ENOPH1: variants seen among roughly 807,000 people sequenced by gnomAD.
The protein encoded by ENOPH1 is enolase-phosphatase E1.
A neutral mutation model predicts 31.1 loss-of-function variants in ENOPH1; 14 were observed. The observed-to-expected ratio is 0.45, with a 90% confidence interval of 0.30 to 0.70. The LOEUF is 0.70. Ranked by LOEUF, ENOPH1 falls within the 30% of genes least tolerant of loss-of-function variation. ENOPH1 has a pLI of 0.09. For missense variants in ENOPH1, 243 were observed against 321.5 expected (o/e 0.76, Z 1.87); for synonymous variants, 127 against 123.2 (o/e 1.03, Z -0.21).
chr4:82,454,217 A>G (rs767767826), intron 3 of ENOPH1, among the ~76,000 whole-genome samples: 2 of 152,168 alleles, frequency 1.3e-5, no homozygotes, highest in Non-Finnish European at 2.9e-5. Flanking sequence ...CTGTCTCAAA[A>G]AAAAGTAATT....
Position 82,448,066 on chromosome 4 carries a change from G to A in ENOPH1, c.186+45G>A, listed in dbSNP as rs774682140. 3 of 1,358,912 alleles carry A rather than the reference G, an allele frequency of 2.2e-6. No homozygotes were observed. In the African/African-American group the frequency reaches 4.3e-5, roughly 20 times the overall value. 84.2% of individuals were successfully genotyped at this position (1,358,912 alleles called of 1,614,324 possible). On this transcript the variant is annotated intron_variant, in intron 2 of 5. Coordinates refer to ENST00000273920, the MANE Select transcript of ENOPH1 (RefSeq NM_021204.5). ...AAATTCCCAAGTGTCTTAGAAATGA[G>A]GGTACCTGGAGATTTAGGACATGCT...
intron 1 of ENOPH1, among the ~76,000 whole-genome samples, chr4:82,434,543 G>A (rs536816190): frequency 2.0e-4 from 30 of 152,078 alleles, no homozygotes; most frequent in Non-Finnish European, 4.0e-4. Flanking sequence ...GTGAAACCCC[G>A]TCTCTACTAA....
At chr4:82,436,015 A>T (rs1024542469) in intron 1 of ENOPH1, among the ~76,000 whole-genome samples, 2 of 152,242 alleles carry the variant, frequency 1.3e-5, no homozygotes, top group African/African-American at 2.4e-5. Context: ...TGGAGGAAAT[A>T]GAAAGTGCTT....
At chr4:82,442,272 A>G (rs1279314665) in intron 1 of ENOPH1, among the ~76,000 whole-genome samples, 1 of 152,158 alleles carries the variant, frequency 6.6e-6, no homozygotes, top group African/African-American at 2.4e-5. Flanking sequence ...TAATCCCAGC[A>G]CTTTGGGAGG....
chr4:82,436,146 A>G (rs866315051), intron 1 of ENOPH1, among the ~76,000 whole-genome samples: 1 of 152,334 alleles, frequency 6.6e-6, no homozygotes, highest in Middle Eastern at 3.4e-3. Context: ...CTACCCAGAA[A>G]TATGTTAAAA....
At chr4:82,433,532 T>C (rs1441862427) in intron 1 of ENOPH1, among the ~76,000 whole-genome samples, 1 of 152,202 alleles carries the variant, frequency 6.6e-6, no homozygotes, top group African/African-American at 2.4e-5. Context: ...TAATCTATTA[T>C]TATAATTTGT....
chr4:82,455,150 A>G (rs1387964329), intron 4 of ENOPH1, among the ~76,000 whole-genome samples: 1 of 152,186 alleles, frequency 6.6e-6, no homozygotes, highest in Non-Finnish European at 1.5e-5. Flanking sequence ...AACAAGGTGC[A>G]CTCATTTGTT....
At chr4:82,449,024 C>G (rs1249762102) in intron 2 of ENOPH1, among the ~76,000 whole-genome samples, 11 of 139,032 alleles carry the variant, frequency 7.9e-5, no homozygotes, top group African/African-American at 2.7e-4. Flanking sequence ...CGCCACTGCA[C>G]TCCAGCCTGG....
intron 4 of ENOPH1, among the ~76,000 whole-genome samples, chr4:82,456,554 T>G (rs960155018): frequency 1.3e-5 from 2 of 152,230 alleles, no homozygotes; most frequent in African/African-American, 4.8e-5. Flanking sequence ...GTGTTCAGAA[T>G]CTTTCATCAG....
chr4:82,430,618 C>A lies in ENOPH1; in HGVS notation c.-212C>A, dbSNP rs1188546245. ...TCGGGCTCCTGCCCCGTCCTGCTCA[C>A]GAGTTCAGGGCTCCTGGGCGGCCGC... On this transcript the variant is annotated 5_prime_UTR_variant, in exon 1 of 6. Coordinates refer to ENST00000273920, the MANE Select transcript of ENOPH1 (RefSeq NM_021204.5). 2 of 562,540 alleles carry A rather than the reference C, an allele frequency of 3.6e-6. No homozygotes were observed. The highest frequency in any genetic ancestry group is 2.1e-5 in the South Asian group (1 of 47,122). 34.8% of individuals were successfully genotyped at this position (562,540 alleles called of 1,614,324 possible).
intron 2 of ENOPH1, 123 bp from the exon 3 acceptor site, chr4:82,450,920 A>C (rs761728023): frequency 4.4e-4 from 304 of 688,786 alleles, no homozygotes; most frequent in Non-Finnish European, 7.1e-4. Context: ...ATGATGTTTC[A>C]ATTTGCAGCC....
At chr4:82,438,634 G>A (rs1308995627) in intron 1 of ENOPH1, among the ~76,000 whole-genome samples, 1 of 152,214 alleles carries the variant, frequency 6.6e-6, no homozygotes, top group Non-Finnish European at 1.5e-5. Flanking sequence ...TGCAGCCTGG[G>A]TGACAGAGCT....
At chr4:82,448,896 A>G (rs894922944) in intron 2 of ENOPH1, among the ~76,000 whole-genome samples, 1 of 151,070 alleles carries the variant, frequency 6.6e-6, no homozygotes, top group Admixed American at 6.6e-5. Context: ...GTCTCTACTA[A>G]AAATACAAAA....
Position 82,460,162 on chromosome 4 carries a change from T to C in ENOPH1, c.*42T>C. On this transcript the variant is annotated 3_prime_UTR_variant, in exon 6 of 6. Coordinates refer to ENST00000273920, the MANE Select transcript of ENOPH1 (RefSeq NM_021204.5). ...CAGACCGCCCTGTTCCCCAGAGTTG[T>C]CCCTGTAGTGTCTAGGTTTATTCTA... 1 of 1,608,754 alleles carries C rather than the reference T, an allele frequency of 6.2e-7. No individual in the cohort carries two copies. Among genetic ancestry groups the C allele is most frequent in the South Asian group, 1.1e-5 (1 of 90,718 alleles).
At chr4:82,431,343 A>G (rs1268795819) in intron 1 of ENOPH1, among the ~76,000 whole-genome samples, 1 of 152,194 alleles carries the variant, frequency 6.6e-6, no homozygotes, top group Admixed American at 6.5e-5. Flanking sequence ...CTCAAAATGG[A>G]AAGACTGAAG....
At position 82,451,188 on chromosome 4, in the gene ENOPH1, A is replaced by T; in HGVS notation, c.332A>T (p.Lys111Ile). The T allele has an allele frequency of 6.2e-7, 1 of 1,614,216 alleles. No homozygotes were observed. Among genetic ancestry groups the T allele is most frequent in the Middle Eastern group, 1.6e-4 (1 of 6,062 alleles). ...CTGGATCGAAAGACCACTGCACTCA[A>T]ACAGCTGCAGGGCCACATGTGGAGG... ...MSLDRKTTAL[K>I]QLQGHMWRAA... Residue 111 changes from lysine (K) to isoleucine (I), a missense_variant, in exon 3 of 6, where the codon AAA becomes ATA. Transcript: ENST00000273920.
chr4:82,445,671 G>A (rs542160861), intron 1 of ENOPH1, among the ~76,000 whole-genome samples: 1 of 152,256 alleles, frequency 6.6e-6, no homozygotes, highest in South Asian at 2.1e-4. Flanking sequence ...TTGAACTCCT[G>A]GGTTCAAGTG....
intron 4 of ENOPH1, among the ~76,000 whole-genome samples, chr4:82,456,659 T>C (rs1317854284): frequency 6.6e-6 from 1 of 152,174 alleles, no homozygotes; most frequent in Non-Finnish European, 1.5e-5. Context: ...AGATGTAAAA[T>C]GAACGGTAGT....
chr4:82,452,370 G>A (rs180859459), intron 3 of ENOPH1, among the ~76,000 whole-genome samples: 6 of 152,084 alleles, frequency 3.9e-5, no homozygotes, highest in Non-Finnish European at 5.9e-5. Context: ...GTGCAGTGGC[G>A]CAATCTCAGC....
Sources: gnomAD v4.1 joint callset for allele counts (sites outside exome capture counted in the v4.1 genomes callset) on GRCh38, gnomAD v4.1.1 for gene constraint, MANE v1.5 for transcripts, NCBI Gene and HGNC (gene_info 2026-07-23, HGNC 2026-07-21) for gene names.